SLC4A4: variants seen among roughly 807,000 people sequenced by gnomAD.
SLC4A4 encodes electrogenic sodium bicarbonate cotransporter 1.
In SLC4A4, 27 loss-of-function variants were observed where a neutral mutation model predicts 111.5. That is an observed-to-expected ratio of 0.24 (90% CI 0.18 to 0.33). The LOEUF (loss-of-function observed/expected upper bound fraction) is 0.33. SLC4A4 is among the 10% of genes least tolerant of loss of function. The pLI, the probability that SLC4A4 is intolerant of heterozygous loss-of-function variation, is 1.00. For synonymous variants in SLC4A4, 443 were observed against 463.4 expected (o/e 0.96, Z 0.57); for missense variants, 909 against 1,315.5 (o/e 0.69, Z 4.78).
At chr4:71,158,258 C>T (rs1744531171) in intron 2 of SLC4A4, among the ~76,000 whole-genome samples, 1 of 151,906 alleles carries the variant, frequency 6.6e-6, no homozygotes, top group Non-Finnish European at 1.5e-5. Context: ...AAAAGATTTA[C>T]AAATGTACAA....
upstream of SLC4A4, among the ~76,000 whole-genome samples, chr4:71,184,993 T>C (rs543835943): frequency 2.0e-3 from 308 of 152,298 alleles, 2 homozygotes; most frequent in African/African-American, 7.1e-3. Context: ...CTCACCTCTA[T>C]AGTACTCTCA....
At chr4:71,144,630 G>A (rs4463039) in intron 2 of SLC4A4, among the ~76,000 whole-genome samples, 3 of 150,434 alleles carry the variant, frequency 2.0e-5, no homozygotes, top group Non-Finnish European at 3.0e-5. Flanking sequence ...CATTGAGCAG[G>A]GGTTTGTAGT....
At position 71,510,510 on chromosome 4, in the gene SLC4A4, G is replaced by GT. The variant is rs201689785; in HGVS notation, c.2166+12827dup. On this transcript the variant is annotated intron_variant, in intron 16 of 25. Transcript: ENST00000264485. Reference sequence around the variant, plus strand: ...ATTATATGATGACTTTCTTTGTCTTGTTTTTTTTTACTTACAATTTATTTT... The same window carrying GT: ...ATTATATGATGACTTTCTTTGTCTTGTTTTTTTTTTACTTACAATTTATTTT... 2.3e-4 allele frequency among the ~76,000 whole-genome samples: 35 copies of GT among 150,702 alleles called. 1 individual carries two copies. The highest frequency in any genetic ancestry group is 4.1e-4 in the African/African-American group (17 of 41,084).
chr4:71,168,460 G>A (rs1347822372), intron 2 of SLC4A4, among the ~76,000 whole-genome samples: 3 of 152,080 alleles, frequency 2.0e-5, no homozygotes, highest in Non-Finnish European at 2.9e-5. Context: ...TGGGATTACA[G>A]GCGTGAGCCA....
At chr4:71,285,166 C>T (rs934419003) in intron 3 of SLC4A4, among the ~76,000 whole-genome samples, 2 of 152,142 alleles carry the variant, frequency 1.3e-5, no homozygotes, top group African/African-American at 4.8e-5. Flanking sequence ...ATCAAGGAAT[C>T]AACATAGAGC....
At chr4:71,548,701 C>T (rs1387045998) in intron 20 of SLC4A4, among the ~76,000 whole-genome samples, 1 of 151,734 alleles carries the variant, frequency 6.6e-6, no homozygotes, top group Admixed American at 6.6e-5. Context: ...TTTTAAAATG[C>T]TCATATAATT....
chr4:71,237,776 T>C (rs1719910450), intron 2 of SLC4A4, among the ~76,000 whole-genome samples: 1 of 152,200 alleles, frequency 6.6e-6, no homozygotes, highest in Non-Finnish European at 1.5e-5. Context: ...TGTTAGAGGA[T>C]TGGCGCCTCC....
At chr4:71,237,579 T>C (rs1020496086) in intron 2 of SLC4A4, among the ~76,000 whole-genome samples, 2 of 152,106 alleles carry the variant, frequency 1.3e-5, no homozygotes, top group Non-Finnish European at 2.9e-5. Flanking sequence ...AGCCCCAAAC[T>C]TGAACCAGAA....
chr4:71,421,007 G>A (rs1208171047), intron 7 of SLC4A4, among the ~76,000 whole-genome samples: 1 of 148,144 alleles, frequency 6.8e-6, no homozygotes, highest in Non-Finnish European at 1.5e-5. Flanking sequence ...AATGTAAATG[G>A]ACTAAATGCT....
At chr4:71,295,689 C>T (rs995429044) in intron 3 of SLC4A4, among the ~76,000 whole-genome samples, 4 of 151,486 alleles carry the variant, frequency 2.6e-5, no homozygotes, top group South Asian at 2.1e-4. Flanking sequence ...CATGGAGTCT[C>T]GCTCTGTCAC....
chr4:71,435,748 AG>A (rs1475494278), intron 7 of SLC4A4, among the ~76,000 whole-genome samples: 5 of 152,252 alleles, frequency 3.3e-5, no homozygotes, highest in African/African-American at 9.6e-5. Context: ...AAGTGGGCAA[AG>A]GATATGAGCA....
At chr4:71,111,301 T>C (rs975091292) in intron 2 of SLC4A4, among the ~76,000 whole-genome samples, 1 of 152,162 alleles carries the variant, frequency 6.6e-6, no homozygotes, top group Non-Finnish European at 1.5e-5. Flanking sequence ...AAAAGCCACA[T>C]AAAAGCCAGA....
intron 1 of SLC4A4, among the ~76,000 whole-genome samples, chr4:71,225,876 G>A (rs1379410353): frequency 1.3e-5 from 2 of 152,164 alleles, no homozygotes; most frequent in African/African-American, 2.4e-5. Context: ...ATTAACTGAC[G>A]ATTTTAGTTA....
At position 71,339,521 on chromosome 4, in the gene SLC4A4, CTG is replaced by C. The variant is rs774223408; in HGVS notation, c.389+18_389+19del. ...AAACAGCCAGGTGAGGCATAGCTGA[CTG>C]TATGTAGTACTGACCCAGGGAAACA... is the stretch of plus-strand genomic sequence containing the variant. On this transcript the variant is annotated intron_variant, in intron 4 of 25. Coordinates refer to ENST00000264485, the MANE Select transcript of SLC4A4 (RefSeq NM_001098484.3). 7 of 1,611,338 alleles carry C rather than the reference CTG, an allele frequency of 4.3e-6. No homozygotes were observed. The African/African-American group carries it at 9.4e-5, about 22-fold the overall frequency.
chr4:71,098,633 A>G (rs1742627264), intron 2 of SLC4A4, among the ~76,000 whole-genome samples: 1 of 152,200 alleles, frequency 6.6e-6, no homozygotes, highest in African/African-American at 2.4e-5. Flanking sequence ...CTTGAATATG[A>G]ACGCATTAAA....
At chr4:71,093,448 G>T (rs2363444) in intron 2 of SLC4A4, among the ~76,000 whole-genome samples, 92,635 of 152,108 alleles carry the variant, frequency 0.61, 29,128 homozygotes, top group East Asian at 0.75. Flanking sequence ...GATTACAGGC[G>T]TGAGCCACTG....
chr4:71,152,030 A>T (rs889023684), intron 2 of SLC4A4, among the ~76,000 whole-genome samples: 2 of 152,002 alleles, frequency 1.3e-5, no homozygotes, highest in Non-Finnish European at 1.5e-5. Flanking sequence ...TCAAAAAAAA[A>T]TTTTCTTTCA....
chr4:71,251,754 T>C (rs1721085127), intron 2 of SLC4A4, among the ~76,000 whole-genome samples: 1 of 152,218 alleles, frequency 6.6e-6, no homozygotes, highest in African/African-American at 2.4e-5. Flanking sequence ...CACTTCTTCC[T>C]CATACATTAT....
chr4:71,179,155 T>C (rs894520860), intron 2 of SLC4A4, among the ~76,000 whole-genome samples: 4 of 150,568 alleles, frequency 2.7e-5, no homozygotes, highest in South Asian at 2.1e-4. Context: ...AATTCAACAA[T>C]GCTTCATGCT....
Sources: allele counts gnomAD v4.1 joint callset (sites outside exome capture counted in the v4.1 genomes callset), GRCh38; gene constraint gnomAD v4.1.1; transcripts MANE v1.5; gene names NCBI Gene and HGNC (gene_info 2026-07-23, HGNC 2026-07-21).